NOP9: variants seen among roughly 807,000 people sequenced by gnomAD.
NOP9 encodes the protein NOP9 nucleolar protein.
Under a neutral mutation model 63.0 loss-of-function variants are expected in NOP9, and 50 were observed. The ratio of observed to expected loss-of-function variants is 0.79; its 90% CI spans 0.63 to 1.00. The LOEUF (loss-of-function observed/expected upper bound fraction) is 1.00. NOP9 is among the 50% of genes least tolerant of loss of function. NOP9 has a pLI of 0.00. For missense variants in NOP9, 758 were observed against 803.0 expected (o/e 0.94, Z 0.68); for synonymous variants, 343 against 332.8 (o/e 1.03, Z -0.33).
At chr14:24,299,634 C>G, upstream of NOP9, 1 of 316,030 alleles carries the variant, frequency 3.2e-6, no homozygotes, top group East Asian at 5.2e-5. Context: ...CGGTGGAAGT[C>G]TGGGTTCTCG....
chr14:24,302,950 G>C, intron 5 of NOP9, 124 bp from the exon 6 acceptor site: 5 of 1,190,148 alleles, frequency 4.2e-6, no homozygotes, highest in Non-Finnish European at 5.7e-6. Context: ...CAAAAGTCCT[G>C]ATACTGGCAA....
rs548584223 is a variant in NOP9 at position 24,308,127 on chromosome 14, A to G, written c.*3032A>G. 87 of 531,660 alleles carry G rather than the reference A, an allele frequency of 1.6e-4. 1 individual carries two copies. In the South Asian group the frequency reaches 1.7e-3, roughly 10 times the overall value. The allele number at this position is 531,660 out of a possible 1,614,324, so 32.9% of individuals were successfully genotyped here. The stretch of plus-strand genomic sequence containing the variant: ...TTGTATGTGTGTCTTTGGTGATGAC[A>G]TGTGTTGTGAGGGTAGATGGGAACC... On this transcript the variant is annotated 3_prime_UTR_variant, in exon 10 of 10. Transcript: ENST00000267425.
chr14:24,307,954 C>A lies in NOP9; in HGVS notation c.*2859C>A. 8.6e-7 allele frequency: 1 copy of A among 1,158,242 alleles called. No homozygotes were observed. Among genetic ancestry groups the A allele is most frequent in the Non-Finnish European group, 1.3e-6 (1 of 789,854 alleles). 71.7% of individuals were successfully genotyped at this position (1,158,242 alleles called of 1,614,324 possible). A position where few individuals can be genotyped will look rare whatever the true frequency, so the allele number is the denominator to read the frequency against. ...GTGTTTTCTGTTACAAACCTGGGAT[C>A]TCAGCCCAGGACAAGGTGGGAATGA... On this transcript the variant is annotated 3_prime_UTR_variant, in exon 10 of 10. Transcript: ENST00000267425.
the NOP9 span, among the ~76,000 whole-genome samples, chr14:24,275,427 C>T: frequency 2.6e-5 from 4 of 152,182 alleles, no homozygotes; most frequent in South Asian, 2.1e-4. Context: ...CACACATCTT[C>T]GAGATTCAGA....
the NOP9 span, among the ~76,000 whole-genome samples, chr14:24,285,195 C>CTT: frequency 1.3e-5 from 2 of 152,220 alleles, no homozygotes; most frequent in Non-Finnish European, 2.9e-5. Context: ...ATGCATCTCA[C>CTT]AGCCATGTTT....
Position 24,302,123 on chromosome 14 carries a change from AG to A in NOP9, c.950+19del. ...AGATGGCAGGTATGGTCAGGGCCTCAGGATCGACCCAAGTTGGCGGGGCTGT... is the reference window on the plus strand; with the variant it reads ...AGATGGCAGGTATGGTCAGGGCCTCAGATCGACCCAAGTTGGCGGGGCTGT... On this transcript the variant is annotated intron_variant, in intron 4 of 9. Transcript: ENST00000267425. 6.2e-7 allele frequency: 1 copy of A among 1,608,934 alleles called. No homozygotes were observed.
In NOP9 at chr14:24,299,962, A is replaced by C. The variant is rs1411826239; in HGVS notation, c.8A>C (p.Gln3Pro). ...ACAGGTCGCGAAGCACACATGGGGC[A>C]GGGTCCGCGCTCTCCACACAAGGTG... The part of the protein sequence containing the change: MG[Q>P]GPRSPHKVGR... The change falls in exon 1 of 10, where the codon CAG (glutamine) becomes CCG (proline). Residue 3 changes from glutamine to proline, a missense_variant. By Grantham distance (76) the Gln-to-Pro change is moderately conservative. Transcript: ENST00000267425. 6.4e-7 allele frequency: 1 copy of C among 1,557,522 alleles called. No homozygotes were observed. The highest frequency in any genetic ancestry group is 1.4e-5 in the African/African-American group (1 of 72,990).
chr14:24,299,847 C>G, upstream of NOP9: 1 of 1,365,764 alleles, frequency 7.3e-7, no homozygotes, highest in Non-Finnish European at 9.7e-7. Context: ...GCGTCAGGAG[C>G]GCGCCCGCGT....
At chr14:24,299,036 G>A (rs368336040), upstream of NOP9, 2 of 1,614,120 alleles carry the variant, frequency 1.2e-6, no homozygotes, top group Non-Finnish European at 1.7e-6. Flanking sequence ...GAGCTGCAAG[G>A]CAATGCCACG....
chr14:24,289,674 G>C, the NOP9 span, among the ~76,000 whole-genome samples: 1 of 152,376 alleles, frequency 6.6e-6, no homozygotes, highest in Admixed American at 6.5e-5. Flanking sequence ...GTACTGATAA[G>C]CCAGCCCTCT....
At position 24,304,594 on chromosome 14, in the gene NOP9, G is replaced by A; in HGVS notation, c.1749G>A (p.Glu583=). The A allele has an allele frequency of 6.2e-7, 1 of 1,606,950 alleles. No homozygotes were observed. ...ALRARKEIAA[E]LGEQNQELIR... is the part of the protein sequence containing the mutation. ...GGGCCCGGAAGGAAATTGCTGCTGAGCTTGGTGAGTACCAGCCCCTCTCTT... is the reference window on the plus strand; with the variant it reads ...GGGCCCGGAAGGAAATTGCTGCTGAACTTGGTGAGTACCAGCCCCTCTCTT... The change falls in exon 9 of 10, where the codon GAG becomes GAA. Residue 583 remains glutamate, a synonymous_variant. Transcript: ENST00000267425.
Position 24,307,774 on chromosome 14 carries a change from A to G in NOP9, c.*2679A>G, listed in dbSNP as rs1408532352. 1.3e-6 allele frequency: 2 copies of G among 1,559,114 alleles called. No homozygotes were observed. The highest frequency in any genetic ancestry group is 1.9e-5 in the Admixed American group (1 of 53,220). The stretch of plus-strand genomic sequence containing the variant: ...TGAGTGGAGTATTGTTGCCCTGCCT[A>G]TATCCCCTAAAGGTGGAGGGTAGAG... On this transcript the variant is annotated 3_prime_UTR_variant, in exon 10 of 10. Coordinates refer to ENST00000267425, the MANE Select transcript of NOP9 (RefSeq NM_174913.3).
Position 24,300,123 on chromosome 14 carries a change from C to T in NOP9, c.169C>T (p.Leu57=). ...SEPAPDSHPH[L]SPEALGYFRR... ...GCCGGCTCCAGATTCGCACCCGCAC[C>T]TGAGCCCGGAAGCTCTGGGATATTT... The change falls in exon 1 of 10, where the codon CTG becomes TTG. Residue 57 remains leucine (L), a synonymous_variant. Transcript: ENST00000267425. 1.2e-6 allele frequency: 2 copies of T among 1,613,746 alleles called. No individual in the cohort carries two copies. Among genetic ancestry groups the T allele is most frequent in the South Asian group, 2.2e-5 (2 of 91,090 alleles).
Position 24,304,212 on chromosome 14 carries a change from G to A in NOP9, c.1582G>A (p.Asp528Asn), listed in dbSNP as rs189408627. Residue 528 changes from aspartate (D) to asparagine (N), a missense_variant, in exon 8 of 10, where the codon GAT becomes AAT. By Grantham distance (23) the Asp-to-Asn change is conservative (BLOSUM62 1). Coordinates refer to ENST00000267425, the MANE Select transcript of NOP9 (RefSeq NM_174913.3). ...AQSPAGSHVL[D>N]AILTSPSVTR... ...AAGTCCCGCTGGCTCTCATGTGCTC[G>A]ATGCCATCCTGACCAGCCCCTCTGT... is the stretch of plus-strand genomic sequence containing the variant. The A allele has an allele frequency of 4.9e-5, 79 of 1,614,150 alleles. No homozygotes were observed. The African/African-American group carries it at 6.0e-4, about 12-fold the overall frequency.
chr14:24,307,476 G>A lies in NOP9; in HGVS notation c.*2381G>A. On this transcript the variant is annotated 3_prime_UTR_variant, in exon 10 of 10. Transcript: ENST00000267425. ...GCTGGGGTGGTGGAGCTGAGGTCCAGACCCTCCGTCCAAACTCCGAGCTTA... is the reference window on the plus strand; with the variant it reads ...GCTGGGGTGGTGGAGCTGAGGTCCAAACCCTCCGTCCAAACTCCGAGCTTA... 6.2e-7 allele frequency: 1 copy of A among 1,614,106 alleles called. No individual in the cohort carries two copies. Among genetic ancestry groups the A allele is most frequent in the Non-Finnish European group, 8.5e-7 (1 of 1,180,006 alleles).
rs1044753475 is a variant in NOP9 at position 24,304,266 on chromosome 14, C to A, written c.1636C>A (p.Gln546Lys). 1.2e-6 allele frequency: 2 copies of A among 1,613,396 alleles called. No individual in the cohort carries two copies. Among genetic ancestry groups the A allele is most frequent in the Non-Finnish European group, 1.7e-6 (2 of 1,179,610 alleles). Residue 546 changes from glutamine to lysine, a missense_variant, in exon 8 of 10, where the codon CAG becomes AAG. Gln to Lys is a moderately conservative substitution (Grantham distance 53). Coordinates refer to ENST00000267425, the MANE Select transcript of NOP9 (RefSeq NM_174913.3). ...GCGCAAGCTGCGCCGCCGTGTGCTG[C>A]AGAACCTAAAGGTTAGATTTCTGGC... The part of the protein sequence containing the change: ...VTRKLRRRVL[Q>K]NLKGQYVALA...
chr14:24,287,343 A>C, the NOP9 span, among the ~76,000 whole-genome samples: 1 of 152,112 alleles, frequency 6.6e-6, no homozygotes, highest in Non-Finnish European at 1.5e-5. Flanking sequence ...GTGGGAATAA[A>C]AGCCCAGAAA....
chr14:24,300,052 C>G lies in NOP9; in HGVS notation c.98C>G (p.Pro33Arg), dbSNP rs766582037. ...GCCAAGGGGTCGGGGCGCCCCTTACCAGGCCGTAAGCGGCAACCCTGGCCG... is the reference window on the plus strand; with the variant it reads ...GCCAAGGGGTCGGGGCGCCCCTTACGAGGCCGTAAGCGGCAACCCTGGCCG... ...RGAKGSGRPL[P>R]GRKRQPWPPP... is the part of the protein sequence containing the mutation. The change falls in exon 1 of 10, where the codon CCA (proline) becomes CGA (arginine). Residue 33 changes from proline to arginine, a missense_variant. Physicochemically the swap from Pro to Arg is moderately radical, Grantham distance 103. Coordinates refer to ENST00000267425, the MANE Select transcript of NOP9 (RefSeq NM_174913.3). The G allele has an allele frequency of 6.2e-7, 1 of 1,611,764 alleles. No individual in the cohort carries two copies. Among genetic ancestry groups the G allele is most frequent in the South Asian group, 1.1e-5 (1 of 91,024 alleles).
At chr14:24,291,033 T>A in the NOP9 span, 8 of 1,613,614 alleles carry the variant, frequency 5.0e-6, no homozygotes, top group Admixed American at 1.0e-4. Context: ...GATTCTCATT[T>A]CCCACTCCTC....
Sources: allele counts gnomAD v4.1 joint callset (sites outside exome capture counted in the v4.1 genomes callset), GRCh38; gene constraint gnomAD v4.1.1; transcripts MANE v1.5; gene names NCBI Gene and HGNC (gene_info 2026-07-23, HGNC 2026-07-21).